NDUFA12: variants seen among roughly 807,000 people sequenced by gnomAD.
The protein encoded by NDUFA12 is NADH:ubiquinone oxidoreductase subunit A12.
A neutral mutation model predicts 20.3 loss-of-function variants in NDUFA12; 17 were observed. That is an observed-to-expected ratio of 0.84 (90% CI 0.57 to 1.26). NDUFA12 has a LOEUF of 1.26. Among genes scored for constraint, NDUFA12 ranks in the 50% most tolerant of loss-of-function variants. NDUFA12 has a pLI of 0.00. For synonymous variants in NDUFA12, 72 were observed against 63.6 expected, an observed-to-expected ratio of 1.13 and a Z score of -0.63; for missense variants, 191 against 183.7, an observed-to-expected ratio of 1.04 and a Z score of -0.23.
chr12:94,976,976 C>T (rs1874081511), intron 3 of NDUFA12, among the ~76,000 whole-genome samples: 1 of 152,144 alleles, frequency 6.6e-6, no homozygotes, highest in African/African-American at 2.4e-5. Context: ...ATCTTGTCTT[C>T]TGCTTATAAT....
chr12:94,992,667 A>C (rs1350481827), intron 3 of NDUFA12, among the ~76,000 whole-genome samples: 1 of 152,220 alleles, frequency 6.6e-6, no homozygotes, highest in African/African-American at 2.4e-5. Flanking sequence ...ACTCTCTCAG[A>C]GCACTTGCCT....
intron 3 of NDUFA12, among the ~76,000 whole-genome samples, chr12:94,979,614 T>C (rs1399959652): frequency 6.6e-6 from 1 of 151,908 alleles, no homozygotes; most frequent in Non-Finnish European, 1.5e-5. Flanking sequence ...GCGGATCACA[T>C]GAGGCCAGGA....
chr12:94,997,192 C>T (rs61935750), intron 2 of NDUFA12: 21,620 of 152,836 alleles, frequency 0.14, 2,071 homozygotes, highest in African/African-American at 0.31. Flanking sequence ...CATACACACA[C>T]ACACGCACAC....
At chr12:95,002,424 A>AGAGT (rs10642803) in intron 2 of NDUFA12, among the ~76,000 whole-genome samples, 1 of 122,648 alleles carries the variant, frequency 8.2e-6, no homozygotes, top group African/African-American at 3.1e-5. Context: ...CCTGGCCGAC[A>AGAGT]GAGACTCCAT....
At chr12:94,992,585 T>C (rs571836021) in intron 3 of NDUFA12, among the ~76,000 whole-genome samples, 305 of 152,284 alleles carry the variant, frequency 2.0e-3, no homozygotes, top group African/African-American at 6.9e-3. Flanking sequence ...CCTCAATCAA[T>C]GGAATATGAA....
chr12:94,978,098 G>A (rs1248321622), intron 3 of NDUFA12, among the ~76,000 whole-genome samples: 3 of 152,238 alleles, frequency 2.0e-5, no homozygotes, highest in African/African-American at 7.2e-5. Flanking sequence ...GACAGTGCAT[G>A]CAGACTGTGA....
Position 95,002,810 on chromosome 12 carries a change from G to T in NDUFA12, c.98C>A (p.Ala33Glu), listed in dbSNP as rs772303498. The change falls in exon 2 of 4, where the codon GCG becomes GAG. Residue 33 changes from alanine to glutamate, a missense_variant. By Grantham distance (107) the Ala-to-Glu change is moderately radical (BLOSUM62 -1). Transcript: ENST00000327772. ...TTCCCCCACTAATGTACCAACCTTCGCATCATTTGTCCTGTGAATACCCAA... is the reference window on the plus strand; with the variant it reads ...TTCCCCCACTAATGTACCAACCTTCTCATCATTTGTCCTGTGAATACCCAA... ...YLRVFFRTND[A>E]KVGTLVGEDK... is the part of the protein sequence containing the mutation. 1 of 1,613,304 alleles carries T rather than the reference G, an allele frequency of 6.2e-7. No homozygotes were observed. The highest frequency in any genetic ancestry group is 8.5e-7 in the Non-Finnish European group (1 of 1,179,422).
intron 2 of NDUFA12, among the ~76,000 whole-genome samples, chr12:94,996,098 C>T (rs1317400193): frequency 6.6e-6 from 1 of 151,684 alleles, no homozygotes; most frequent in Non-Finnish European, 1.5e-5. Context: ...GTCCCAGCTA[C>T]TCTCAAGGCT....
intron 3 of NDUFA12, 75 bp from the exon 4 acceptor site, chr12:94,971,695 C>T: frequency 6.5e-7 from 1 of 1,531,030 alleles, no homozygotes; most frequent in Non-Finnish European, 9.0e-7. Context: ...AAAAACGTAG[C>T]CCTGGAACTA....
At chr12:95,001,142 A>T (rs952901796) in intron 2 of NDUFA12, among the ~76,000 whole-genome samples, 1 of 151,924 alleles carries the variant, frequency 6.6e-6, no homozygotes, top group Non-Finnish European at 1.5e-5. Context: ...CCATCTCTTT[A>T]AAAAAATTAA....
intron 3 of NDUFA12, among the ~76,000 whole-genome samples, chr12:94,975,444 A>G (rs1281173717): frequency 6.6e-6 from 1 of 152,200 alleles, no homozygotes; most frequent in Non-Finnish European, 1.5e-5. Flanking sequence ...TAAAACCCAG[A>G]ATCAGTGAAC....
At chr12:94,993,012 AG>A (rs1874696960) in intron 3 of NDUFA12, among the ~76,000 whole-genome samples, 1 of 152,256 alleles carries the variant, frequency 6.6e-6, no homozygotes, top group Non-Finnish European at 1.5e-5. Context: ...ACTGCTTTAT[AG>A]AGAGATATTC....
intron 2 of NDUFA12, among the ~76,000 whole-genome samples, chr12:94,999,094 C>T (rs1874934868): frequency 6.6e-6 from 1 of 152,156 alleles, no homozygotes; most frequent in Non-Finnish European, 1.5e-5. Flanking sequence ...TACTACGAGG[C>T]TACAGTTACC....
intron 2 of NDUFA12, among the ~76,000 whole-genome samples, chr12:95,002,002 C>A (rs951738128): frequency 2.6e-5 from 4 of 151,498 alleles, no homozygotes; most frequent in African/African-American, 7.3e-5. Flanking sequence ...CGCGCCCAGC[C>A]GAATTAATTG....
rs183393259 is a variant in NDUFA12 at position 94,987,629 on chromosome 12, C to T, written c.257+6541G>A. The stretch of plus-strand genomic sequence containing the variant: ...CAGCCTGGCCAACATGATGAAACCC[C>T]GTCTCTACTTAAAATACAAAAATTC... On this transcript the variant is annotated intron_variant, in intron 3 of 3. Transcript: ENST00000327772. Among the ~76,000 whole-genome samples the T allele has an allele frequency of 4.0e-5, 6 of 151,870 alleles. No homozygotes were observed. In the East Asian group the frequency reaches 1.2e-3, roughly 29 times the overall value.
rs528007041 is a variant in NDUFA12 at position 94,975,260 on chromosome 12, T to A, written c.258-3640A>T. Among the ~76,000 whole-genome samples the A allele has an allele frequency of 2.0e-5, 3 of 151,854 alleles. No homozygotes were observed. The South Asian group carries it at 6.2e-4, about 32-fold the overall frequency. ...ATATTTGTAATATACAGAAAAAAGG[T>A]TCATCTATCATTACAAATCAGAAAA... On this transcript the variant is annotated intron_variant, in intron 3 of 3. Coordinates refer to ENST00000327772, the MANE Select transcript of NDUFA12 (RefSeq NM_018838.5).
intron 3 of NDUFA12, among the ~76,000 whole-genome samples, chr12:94,981,157 C>T (rs567129007): frequency 8.5e-5 from 13 of 152,252 alleles, no homozygotes; most frequent in South Asian, 4.1e-4. Context: ...GAGCTGGGCA[C>T]GGTAGTTCAC....
intron 1 of NDUFA12, 26 bp from the exon 2 acceptor site, chr12:95,002,847 C>G (rs531715488): frequency 2.5e-6 from 4 of 1,572,892 alleles, no homozygotes; most frequent in Non-Finnish European, 2.6e-6. Context: ...AGAAAACAGA[C>G]ATTTTAGAAT....
At chr12:94,998,450 T>C (rs1448744708) in intron 2 of NDUFA12, among the ~76,000 whole-genome samples, 7 of 152,302 alleles carry the variant, frequency 4.6e-5, no homozygotes, top group African/African-American at 1.7e-4. Flanking sequence ...TCACCACTTC[T>C]ATTCAACACA....
Sources: gnomAD v4.1 joint callset for allele counts (sites outside exome capture counted in the v4.1 genomes callset) on GRCh38, gnomAD v4.1.1 for gene constraint, MANE v1.5 for transcripts, NCBI Gene and HGNC (gene_info 2026-07-23, HGNC 2026-07-21) for gene names.